Variants in GLCE observed in about 807,000 individuals in gnomAD.
GLCE encodes glucuronic acid epimerase.
A neutral mutation model predicts 47.9 loss-of-function variants in GLCE; 19 were observed. That is an observed-to-expected ratio of 0.40 (90% CI 0.28 to 0.58). The LOEUF (loss-of-function observed/expected upper bound fraction) is 0.58. GLCE is among the 20% of genes least tolerant of loss of function. The pLI, the probability that GLCE is intolerant of heterozygous loss-of-function variation, is 0.48. For synonymous variants in GLCE, 245 were observed against 263.4 expected (o/e 0.93, Z 0.68); for missense variants, 556 against 743.3 (o/e 0.75, Z 2.93).
At chr15:69,185,760 C>T (rs908062573) in intron 1 of GLCE, among the ~76,000 whole-genome samples, 3 of 152,004 alleles carry the variant, frequency 2.0e-5, no homozygotes, top group Admixed American at 6.6e-5. Context: ...TGGGTATTCT[C>T]CAGTTCAATT....
chr15:69,190,846 T>C (rs752283308), intron 1 of GLCE, among the ~76,000 whole-genome samples: 3 of 152,140 alleles, frequency 2.0e-5, no homozygotes, highest in African/African-American at 4.8e-5. Context: ...TCTTTGCATT[T>C]TTCTCTCTTT....
intron 1 of GLCE, among the ~76,000 whole-genome samples, chr15:69,187,687 G>A (rs1029111445): frequency 1.3e-5 from 2 of 152,146 alleles, no homozygotes; most frequent in African/African-American, 4.8e-5. Flanking sequence ...AGGAATAGAA[G>A]CCTATATAAA....
At position 69,256,318 on chromosome 15, in the gene GLCE, A is replaced by G. The variant is rs1328016074; in HGVS notation, c.512A>G (p.Asp171Gly). 1 of 1,613,954 alleles carries G rather than the reference A, an allele frequency of 6.2e-7. No homozygotes were observed. Among genetic ancestry groups the G allele is most frequent in the South Asian group, 1.1e-5 (1 of 91,070 alleles). The part of the protein sequence containing the change: ...VYAQRAPYHP[D>G]GVFMSFEGYN... ...GCACAGAGAGCCCCCTATCACCCCGATGGTGTGTTTATGTCTTTTGAAGGC... is the reference window on the plus strand; with the variant it reads ...GCACAGAGAGCCCCCTATCACCCCGGTGGTGTGTTTATGTCTTTTGAAGGC... The change falls in exon 3 of 5, where the codon GAT becomes GGT. Residue 171 changes from aspartate (D) to glycine (G), a missense_variant. Transcript: ENST00000261858.
At chr15:69,236,266 C>G (rs1240188958) in intron 2 of GLCE, among the ~76,000 whole-genome samples, 3 of 146,354 alleles carry the variant, frequency 2.0e-5, no homozygotes, top group Non-Finnish European at 2.9e-5. Context: ...TTTAAAATTT[C>G]TGGATTATTA....
At chr15:69,252,819 C>A (rs1260131412) in intron 2 of GLCE, among the ~76,000 whole-genome samples, 3 of 151,984 alleles carry the variant, frequency 2.0e-5, no homozygotes, top group African/African-American at 7.3e-5. Context: ...TTTGCCCCCA[C>A]TGCAATATAA....
chr15:69,244,986 G>A lies in GLCE; in HGVS notation c.-13-10808G>A, dbSNP rs148565598. The stretch of plus-strand genomic sequence containing the variant: ...GTTTCCCAGTGCTTATAAAAGTTAT[G>A]TTTATTCTGTACTGTAGTCTGTTAA... On this transcript the variant is annotated intron_variant, in intron 2 of 4. Coordinates refer to ENST00000261858, the MANE Select transcript of GLCE (RefSeq NM_015554.3). Among the ~76,000 whole-genome samples, 1,035 of 152,202 alleles carry A rather than the reference G, an allele frequency of 6.8e-3. 14 individuals carry two copies. Among genetic ancestry groups the A allele is most frequent in the African/African-American group, 0.024 (980 of 41,542 alleles).
At chr15:69,245,305 C>T (rs1210847774) in intron 2 of GLCE, among the ~76,000 whole-genome samples, 1 of 145,010 alleles carries the variant, frequency 6.9e-6, no homozygotes, top group Non-Finnish European at 1.5e-5. Context: ...TGCACTCCAG[C>T]CTGGGAGACA....
intron 1 of GLCE, among the ~76,000 whole-genome samples, chr15:69,207,714 A>G (rs553606115): frequency 6.6e-6 from 1 of 152,158 alleles, no homozygotes; most frequent in East Asian, 1.9e-4. Flanking sequence ...ATATTGGTGT[A>G]TAGGTTTTTG....
At chr15:69,260,127 A>G (rs1054692143) in intron 3 of GLCE, among the ~76,000 whole-genome samples, 2 of 152,202 alleles carry the variant, frequency 1.3e-5, no homozygotes, top group African/African-American at 2.4e-5. Flanking sequence ...TCAAGAATCT[A>G]TGGTAAAATA....
chr15:69,218,889 A>G (rs1045611958), intron 2 of GLCE, among the ~76,000 whole-genome samples: 3 of 152,182 alleles, frequency 2.0e-5, no homozygotes, highest in Admixed American at 6.5e-5. Context: ...AACACTGCAA[A>G]TGTAACTTTC....
At chr15:69,173,082 A>G (rs1163764224) in intron 1 of GLCE, among the ~76,000 whole-genome samples, 1 of 152,096 alleles carries the variant, frequency 6.6e-6, no homozygotes, top group Non-Finnish European at 1.5e-5. Context: ...GCAGTTGGTG[A>G]GTCAGTGGTT....
At chr15:69,232,550 T>G (rs1312615676) in intron 2 of GLCE, among the ~76,000 whole-genome samples, 2 of 152,170 alleles carry the variant, frequency 1.3e-5, no homozygotes, top group African/African-American at 4.8e-5. Context: ...ATGCCTTTAT[T>G]TTGCCAGTTG....
intron 1 of GLCE, among the ~76,000 whole-genome samples, chr15:69,200,940 GTTGTAGCAT>G (rs932000037): frequency 2.0e-4 from 30 of 152,150 alleles, no homozygotes; most frequent in African/African-American, 7.2e-4. Context: ...CTTCCTTGTG[GTTGTAGCAT>G]TTGTCTTGAT....
intron 2 of GLCE, among the ~76,000 whole-genome samples, chr15:69,233,512 A>C (rs1402649241): frequency 6.6e-6 from 1 of 152,196 alleles, no homozygotes; most frequent in Non-Finnish European, 1.5e-5. Context: ...GGCACTAGTA[A>C]TGGGGGGAAA....
chr15:69,193,341 A>G (rs1286050134), intron 1 of GLCE, among the ~76,000 whole-genome samples: 1 of 152,038 alleles, frequency 6.6e-6, no homozygotes, highest in Non-Finnish European at 1.5e-5. Flanking sequence ...TGTTAGGGAG[A>G]AGGATATTTC....
chr15:69,182,298 T>TGTGTGA lies in GLCE; in HGVS notation c.-105+21542_-105+21543insTGTGAG, dbSNP rs1446237319. Among the ~76,000 whole-genome samples, 1,253 of 145,770 alleles carry TGTGTGA rather than the reference T, an allele frequency of 8.6e-3. 14 individuals are homozygous for TGTGTGA. Among genetic ancestry groups the TGTGTGA allele is most frequent in the African/African-American group, 0.03 (1,161 of 39,296 alleles). On this transcript the variant is annotated intron_variant, in intron 1 of 4. Transcript: ENST00000261858. ...GTGTGTGTGTGTGTGTGTGTGTGTG[T>TGTGTGA]GAGAGAGAGAGAGAGAGAGTGCATG...
At chr15:69,205,697 G>T (rs1296578955) in intron 1 of GLCE, among the ~76,000 whole-genome samples, 2 of 152,026 alleles carry the variant, frequency 1.3e-5, no homozygotes, top group African/African-American at 4.8e-5. Context: ...TAATAGATTT[G>T]TAGTGGTACC....
intron 2 of GLCE, among the ~76,000 whole-genome samples, chr15:69,245,231 G>A (rs2052729647): frequency 6.6e-6 from 1 of 151,218 alleles, no homozygotes; most frequent in Non-Finnish European, 1.5e-5. Context: ...TACTCAGGAG[G>A]CTGAGGCACA....
At chr15:69,235,790 A>G (rs541039148) in intron 2 of GLCE, among the ~76,000 whole-genome samples, 1 of 152,336 alleles carries the variant, frequency 6.6e-6, no homozygotes, top group South Asian at 2.1e-4. Flanking sequence ...GATTAATTTT[A>G]CTAAGGTATA....
Sources: allele counts gnomAD v4.1 joint callset (sites outside exome capture counted in the v4.1 genomes callset), GRCh38; gene constraint gnomAD v4.1.1; transcripts MANE v1.5; gene names NCBI Gene and HGNC (gene_info 2026-07-23, HGNC 2026-07-21).